LAMA5: variants seen among roughly 807,000 people sequenced by gnomAD.
LAMA5 encodes the protein laminin subunit alpha-5.
LAMA5 carries 260 observed loss-of-function variants against 433.4 expected under a neutral mutation model. That is an observed-to-expected ratio of 0.60 (90% CI 0.54 to 0.66). LAMA5 has a LOEUF of 0.66. LAMA5 is among the 30% of genes least tolerant of loss of function. LAMA5 has a pLI of 0.00. For missense variants in LAMA5, 5,378 were observed against 5,258.5 expected (o/e 1.02, Z -0.70); for synonymous variants, 2,620 against 2,226.6 (o/e 1.18, Z -4.97).
chr20:62,310,083 T>TGGAGAGGTAGGAAG lies in LAMA5; in HGVS notation c.10735-3_10735-2insCTTCCTACCTCTCC, dbSNP rs762469320. ...TCCGTCATCCGCCCGCAGCAGGACC[T>TGGAGAGGTAGGAAG]GGCGGGGTAGGAAGGGAGGGTCAGG... On this transcript the variant is annotated splice_region_variant and splice_polypyrimidine_tract_variant and intron_variant, in intron 77 of 79. Coordinates refer to ENST00000252999, the MANE Select transcript of LAMA5 (RefSeq NM_005560.6). The TGGAGAGGTAGGAAG allele has an allele frequency of 6.2e-7, 1 of 1,611,148 alleles. No individual in the cohort carries two copies. Among genetic ancestry groups the TGGAGAGGTAGGAAG allele is most frequent in the Non-Finnish European group, 8.5e-7 (1 of 1,179,760 alleles).
rs944895 is a variant in LAMA5 at position 62,312,525 on chromosome 20, G to A, written c.9235C>T (p.Arg3079Trp). 0.65 allele frequency: 1,035,839 copies of A among 1,598,442 alleles called. 337,535 individuals carry two copies. Among genetic ancestry groups the A allele is most frequent in the South Asian group, 0.73 (66,342 of 90,984 alleles). ...PPDQLPPSLR[R>W]LFPTGGSVRG... ...ACTGAGCCTCCGGTGGGGAAGAGCC[G>A]TCGCAGGCTGTGGGGAAGCGGGGAT... Residue 3079 changes from arginine to tryptophan, a missense_variant, in exon 68 of 80, where the codon CGG becomes TGG. Physicochemically the swap from Arg to Trp is moderately radical, Grantham distance 101. Transcript: ENST00000252999.
chr20:62,338,450 C>T lies in LAMA5; in HGVS notation c.1618+18G>A, dbSNP rs756468432. 1.7e-5 allele frequency: 28 copies of T among 1,606,586 alleles called. No individual in the cohort carries two copies. In the East Asian group the frequency reaches 3.6e-4, roughly 21 times the overall value. Reference sequence around the variant, plus strand: ...ACCTCGAGCGCAGGTAGAGGTTGAGCGGGGAGAGGGGACTCACGCTGGCAG... The same window carrying T: ...ACCTCGAGCGCAGGTAGAGGTTGAGTGGGGAGAGGGGACTCACGCTGGCAG... On this transcript the variant is annotated intron_variant, in intron 12 of 79. Coordinates refer to ENST00000252999, the MANE Select transcript of LAMA5 (RefSeq NM_005560.6).
rs528315045 is a variant in LAMA5, at chr20:62,352,494, C to T, written c.569-134G>A. The T allele has an allele frequency of 4.7e-4, 315 of 668,942 alleles. 4 individuals are homozygous for T. The Middle Eastern group carries it at 0.011, about 24-fold the overall frequency. The allele number at this position is 668,942 out of a possible 1,614,324, so 41.4% of individuals were successfully genotyped here. ...GGCCAAGAGGCCGCGTGACAGAGAC[C>T]ACAGCTCACTGGCTGAAGGGGCCTG... On this transcript the variant is annotated intron_variant, in intron 3 of 79. Transcript: ENST00000252999.
At chr20:62,329,742 G>A in intron 32 of LAMA5, 35 bp downstream of exon 32, 1 of 1,609,810 alleles carries the variant, frequency 6.2e-7, no homozygotes. Context: ...TATAAGGACA[G>A]CTGGTCCCTG....
intron 54 of LAMA5, 50 bp downstream of exon 54, chr20:62,317,612 G>A (rs1278456786): frequency 2.0e-6 from 3 of 1,520,504 alleles, no homozygotes; most frequent in Admixed American, 2.0e-5. Flanking sequence ...GGGCCTGGGA[G>A]GGAGTTGGCC....
intron 48 of LAMA5, among the ~76,000 whole-genome samples, chr20:62,321,738 T>TGGGGCCAGTGGAGGGGG (rs1987826733): frequency 5.2e-4 from 3 of 5,806 alleles, no homozygotes; most frequent in South Asian, 5.7e-3. Context: ...AGTGGAGGGG[T>TGGGGCCAGTGGAGGGGG]GGGGCCAGTG....
chr20:62,330,446 TC>T, intron 31 of LAMA5, 41 bp downstream of exon 31: 3 of 1,488,116 alleles, frequency 2.0e-6, no homozygotes, highest in Non-Finnish European at 2.7e-6. Flanking sequence ...TCCAGCCTCA[TC>T]GTGTGTGGTA....
At chr20:62,346,823 G>A (rs1601396021) in intron 7 of LAMA5, 23 bp from the exon 8 acceptor site, 3 of 1,608,364 alleles carry the variant, frequency 1.9e-6, no homozygotes, top group East Asian at 2.2e-5. Flanking sequence ...GAGCGCAGCT[G>A]TTGGCACGCC....
At chr20:62,353,768 G>A (rs1036900557) in intron 2 of LAMA5, among the ~76,000 whole-genome samples, 3 of 152,124 alleles carry the variant, frequency 2.0e-5, no homozygotes, top group Admixed American at 1.3e-4. Flanking sequence ...TCCTAAGATG[G>A]GGCCCCTGCC....
intron 50 of LAMA5, 132 bp from the exon 51 acceptor site, chr20:62,319,927 C>T (rs760240563): frequency 2.6e-5 from 15 of 569,896 alleles, no homozygotes; most frequent in African/African-American, 1.9e-4. Flanking sequence ...ACTCTCTTAT[C>T]TGATGACTTG....
At chr20:62,337,539 G>A (rs1981868571) in intron 16 of LAMA5, 51 bp downstream of exon 16, 1 of 1,559,278 alleles carries the variant, frequency 6.4e-7, no homozygotes, top group African/African-American at 1.4e-5. Context: ...GAACAGCACA[G>A]ACCCACACAC....
chr20:62,350,331 G>T (rs1371947799), intron 6 of LAMA5, among the ~76,000 whole-genome samples: 1 of 152,098 alleles, frequency 6.6e-6, no homozygotes, highest in African/African-American at 2.4e-5. Context: ...AGCAACAAGT[G>T]CCTGGGTGGG....
At chr20:62,345,014 TTTTG>T (rs1983137728) in intron 11 of LAMA5, among the ~76,000 whole-genome samples, 1 of 152,000 alleles carries the variant, frequency 6.6e-6, no homozygotes, top group South Asian at 2.1e-4. Flanking sequence ...GTGGATAACT[TTTTG>T]TTTTTGTTTT....
At chr20:62,341,913 A>C (rs1982662187) in intron 11 of LAMA5, among the ~76,000 whole-genome samples, 1 of 152,200 alleles carries the variant, frequency 6.6e-6, no homozygotes, top group Non-Finnish European at 1.5e-5. Flanking sequence ...TTAACTTTAT[A>C]ACAGGCCACT....
chr20:62,353,671 C>T (rs1984716611), intron 2 of LAMA5, among the ~76,000 whole-genome samples: 1 of 152,144 alleles, frequency 6.6e-6, no homozygotes, highest in Non-Finnish European at 1.5e-5. Flanking sequence ...CCCTCACGTC[C>T]AGCCAGGCCT....
chr20:62,320,409 C>G (rs372709765), intron 50 of LAMA5, 150 bp downstream of exon 50: 1 of 531,132 alleles, frequency 1.9e-6, no homozygotes, highest in Admixed American at 3.2e-5. Flanking sequence ...AATTCAGTGA[C>G]TTGGTCAACC....
chr20:62,320,262 A>G (rs1346669790), intron 50 of LAMA5, among the ~76,000 whole-genome samples: 2 of 148,992 alleles, frequency 1.3e-5, no homozygotes, highest in Admixed American at 6.8e-5. Flanking sequence ...AGGTTATGGT[A>G]AGCCGAGATC....
chr20:62,317,350 C>T lies in LAMA5; in HGVS notation c.7506G>A (p.Leu2502=). 6.2e-7 allele frequency: 1 copy of T among 1,607,122 alleles called. No homozygotes were observed. Among genetic ancestry groups the T allele is most frequent in the Non-Finnish European group, 8.5e-7 (1 of 1,178,592 alleles). ...CTCCTCTCCTGGCCACCCACCTGGA[C>T]AGATTGAGTGCCAGCTGGCCCAGCT... is the stretch of plus-strand genomic sequence containing the variant. ...AQQLGQLALN[L]SSIILDVNQD... Residue 2502 remains leucine (L), a synonymous_variant, in exon 55 of 80, where the codon CTG becomes CTA. Coordinates refer to ENST00000252999, the MANE Select transcript of LAMA5 (RefSeq NM_005560.6).
At chr20:62,358,405 C>T (rs542370310) in intron 2 of LAMA5, among the ~76,000 whole-genome samples, 11 of 152,328 alleles carry the variant, frequency 7.2e-5, no homozygotes, top group African/African-American at 2.4e-4. Flanking sequence ...AGCTCTGTAA[C>T]TAGAGCCTGG....
Sources: gnomAD v4.1 joint callset for allele counts (sites outside exome capture counted in the v4.1 genomes callset) on GRCh38, gnomAD v4.1.1 for gene constraint, MANE v1.5 for transcripts, NCBI Gene and HGNC (gene_info 2026-07-23, HGNC 2026-07-21) for gene names.